The following OR5A1 variants were observed in gnomAD, a reference collection of about 807,000 sequenced individuals.
OR5A1 encodes the protein olfactory receptor family 5 subfamily A member 1, also known as olfactory receptor 5A1.
A neutral mutation model predicts 6.7 loss-of-function variants in OR5A1; 6 were observed. The observed-to-expected ratio is 0.89, with a 90% CI of 0.49 to 1.76. The LOEUF is 1.76. Among genes scored for constraint, OR5A1 ranks in the 40% most tolerant of loss-of-function variants. The pLI is 0.01. For missense variants in OR5A1, 378 were observed against 381.7 expected, an observed-to-expected ratio of 0.99 and a Z score of 0.08; for synonymous variants, 170 against 155.0, an observed-to-expected ratio of 1.10 and a Z score of -0.72.
At position 59,447,522 on chromosome 11, in the gene OR5A1, T is replaced by A. The variant is rs1858564713; in HGVS notation, c.*3406T>A. 6.6e-6 allele frequency: 1 copy of A among 152,098 alleles called. No homozygotes were observed. The highest frequency in any genetic ancestry group is 2.4e-5 in the African/African-American group (1 of 41,416). 9.4% of individuals were successfully genotyped at this position (152,098 alleles called of 1,614,324 possible). On this transcript the variant is annotated 3_prime_UTR_variant, in exon 2 of 2. Coordinates refer to ENST00000641045, the MANE Select transcript of OR5A1 (RefSeq NM_001004728.2). ...CTTTACAGAAATATCAGCAAATGAA[T>A]CAAAAATTTACAGGCATTTTACCAT...
At chr11:59,438,724 T>C (rs562394421) in intron 1 of OR5A1, among the ~76,000 whole-genome samples, 11 of 152,312 alleles carry the variant, frequency 7.2e-5, no homozygotes, top group Non-Finnish European at 1.2e-4. Context: ...ATCCAAAAAG[T>C]AATTTAGAAG....
chr11:59,445,195 G>C lies in OR5A1; in HGVS notation c.*1079G>C, dbSNP rs988605073. The C allele has an allele frequency of 2.0e-5, 3 of 152,008 alleles. No homozygotes were observed. The highest frequency in any genetic ancestry group is 4.4e-5 in the Non-Finnish European group (3 of 68,000). The allele number at this position is 152,008 out of a possible 1,614,324, so 9.4% of individuals were successfully genotyped here. A position where few individuals can be genotyped will look rare whatever the true frequency, so the allele number is the denominator to read the frequency against. On this transcript the variant is annotated 3_prime_UTR_variant, in exon 2 of 2. Transcript: ENST00000641045. The stretch of plus-strand genomic sequence containing the variant: ...CTCCTGACAGGCCCCAATGTGCATT[G>C]TTCCCCTCTCTGTGTCCATGTGTTC...
rs1858526980 is a variant in OR5A1 at position 59,444,626 on chromosome 11, A to G, written c.*510A>G. On this transcript the variant is annotated 3_prime_UTR_variant, in exon 2 of 2. Transcript: ENST00000641045. ...CGCTGCACTCCACATTCAACAAAAA[A>G]ATAGCCCAAAAGTAGTACGAGTATA... The G allele has an allele frequency of 6.5e-6, 1 of 153,404 alleles. No homozygotes were observed. The highest frequency in any genetic ancestry group is 6.5e-5 in the Admixed American group (1 of 15,390). 9.5% of individuals were successfully genotyped at this position (153,404 alleles called of 1,614,324 possible).
At position 59,445,063 on chromosome 11, in the gene OR5A1, T is replaced by G. The variant is rs1359617794; in HGVS notation, c.*947T>G. On this transcript the variant is annotated 3_prime_UTR_variant, in exon 2 of 2. Coordinates refer to ENST00000641045, the MANE Select transcript of OR5A1 (RefSeq NM_001004728.2). The stretch of plus-strand genomic sequence containing the variant: ...ATGCAGGATGTGCAGGTTTGTTACA[T>G]AGGTAAACATATGTCATGGTGATTT... 1 of 152,172 alleles carries G rather than the reference T, an allele frequency of 6.6e-6. No individual in the cohort carries two copies. The highest frequency in any genetic ancestry group is 1.5e-5 in the Non-Finnish European group (1 of 68,036). The allele number at this position is 152,172 out of a possible 1,614,324, so 9.4% of individuals were successfully genotyped here.
At chr11:59,439,009 G>A (rs1202891608) in intron 1 of OR5A1, among the ~76,000 whole-genome samples, 1 of 152,150 alleles carries the variant, frequency 6.6e-6, no homozygotes, top group Non-Finnish European at 1.5e-5. Flanking sequence ...GAGGAAAATG[G>A]CATTATGAAG....
chr11:59,439,548 T>C (rs901255272), intron 1 of OR5A1, among the ~76,000 whole-genome samples: 1 of 152,228 alleles, frequency 6.6e-6, no homozygotes, highest in Non-Finnish European at 1.5e-5. Flanking sequence ...CAGAGTTCCA[T>C]GCCATAAAGC....
chr11:59,441,590 A>G (rs1858480676), intron 1 of OR5A1, among the ~76,000 whole-genome samples: 1 of 152,174 alleles, frequency 6.6e-6, no homozygotes, highest in Admixed American at 6.5e-5. Context: ...TTTCTATAGG[A>G]TTAGGGAAAC....
In OR5A1 at chr11:59,436,749, G is replaced by C. The variant is rs1400124288; in HGVS notation, c.-120G>C. The C allele has an allele frequency of 6.6e-6, 1 of 152,170 alleles. No homozygotes were observed. The highest frequency in any genetic ancestry group is 1.5e-5 in the Non-Finnish European group (1 of 68,044). 9.4% of individuals were successfully genotyped at this position (152,170 alleles called of 1,614,324 possible). On this transcript the variant is annotated 5_prime_UTR_variant, in exon 1 of 2. Transcript: ENST00000641045. ...ATTAGCACTTTGGTAATTGGAAGCA[G>C]CCACTGAAACCCAATTAAACTCCTT...
rs1218967700 is a variant in OR5A1, at chr11:59,449,658, C to A, written c.*5542C>A. ...ATTAGGATTATGATAATATTAATAC[C>A]CTACATTTGTATAATGCTTTGAAGT... On this transcript the variant is annotated 3_prime_UTR_variant, in exon 2 of 2. Coordinates refer to ENST00000641045, the MANE Select transcript of OR5A1 (RefSeq NM_001004728.2). The A allele has an allele frequency of 6.6e-6, 1 of 151,930 alleles. No homozygotes were observed. The highest frequency in any genetic ancestry group is 2.4e-5 in the African/African-American group (1 of 41,350). The allele number at this position is 151,930 out of a possible 1,614,324, so 9.4% of individuals were successfully genotyped here.
rs1858528637 is a variant in OR5A1, at chr11:59,444,796, T to C, written c.*680T>C. 1 of 152,200 alleles carries C rather than the reference T, an allele frequency of 6.6e-6. No individual in the cohort carries two copies. Among genetic ancestry groups the C allele is most frequent in the Non-Finnish European group, 1.5e-5 (1 of 68,038 alleles). 9.4% of individuals were successfully genotyped at this position (152,200 alleles called of 1,614,324 possible). ...TTCCAATTATGGCTACTGAGTAATT[T>C]GCTAAGCAAATGCTGAAGGACATTC... On this transcript the variant is annotated 3_prime_UTR_variant, in exon 2 of 2. Transcript: ENST00000641045.
rs761764007 is a variant in OR5A1 at position 59,444,022 on chromosome 11, T to A, written c.854T>A (p.Ile285Asn). The stretch of plus-strand genomic sequence containing the variant: ...GTGTCTGTTTTCTATTCATTGGTGA[T>A]CCCCATGCTGAACCCTCTCATTTAC... ...KVVSVFYSLV[I>N]PMLNPLIYSL... is the part of the protein sequence containing the mutation. The change falls in exon 2 of 2, where the codon ATC becomes AAC. Residue 285 changes from isoleucine (I) to asparagine (N), a missense_variant. Transcript: ENST00000641045. 1 of 1,613,982 alleles carries A rather than the reference T, an allele frequency of 6.2e-7. No individual in the cohort carries two copies. The highest frequency in any genetic ancestry group is 1.1e-5 in the South Asian group (1 of 91,060).
chr11:59,442,231 A>G (rs945935817), intron 1 of OR5A1, among the ~76,000 whole-genome samples: 5 of 152,054 alleles, frequency 3.3e-5, no homozygotes, highest in African/African-American at 1.2e-4. Context: ...CGGATCGCCC[A>G]AGGTCGTTCG....
At chr11:59,441,721 T>C (rs1211326483) in intron 1 of OR5A1, among the ~76,000 whole-genome samples, 1 of 152,172 alleles carries the variant, frequency 6.6e-6, no homozygotes, top group Non-Finnish European at 1.5e-5. Context: ...TAAAATCAAG[T>C]CCCTGATCTT....
intron 1 of OR5A1, among the ~76,000 whole-genome samples, chr11:59,438,087 C>T (rs1858440458): frequency 6.6e-6 from 1 of 152,214 alleles, no homozygotes; most frequent in Admixed American, 6.5e-5. Flanking sequence ...TCCCCCTTCA[C>T]CTTCCGCCGT....
rs1394511399 is a variant in OR5A1 at position 59,449,280 on chromosome 11, G to A, written c.*5164G>A. The A allele has an allele frequency of 6.6e-6, 1 of 152,194 alleles. No individual in the cohort carries two copies. Among genetic ancestry groups the A allele is most frequent in the Admixed American group, 6.6e-5 (1 of 15,260 alleles). 9.4% of individuals were successfully genotyped at this position (152,194 alleles called of 1,614,324 possible). A position where few individuals can be genotyped will look rare whatever the true frequency, so the allele number is the denominator to read the frequency against. On this transcript the variant is annotated 3_prime_UTR_variant, in exon 2 of 2. Coordinates refer to ENST00000641045, the MANE Select transcript of OR5A1 (RefSeq NM_001004728.2). The stretch of plus-strand genomic sequence containing the variant: ...GCAGAGCAGTGATGATGGGGAAGTT[G>A]TCAGGCTCACTTTACCAATGCAAAG...
rs1014598555 is a variant in OR5A1, at chr11:59,448,527, T to G, written c.*4411T>G. 6.6e-6 allele frequency: 1 copy of G among 152,136 alleles called. No individual in the cohort carries two copies. The highest frequency in any genetic ancestry group is 6.5e-5 in the Admixed American group (1 of 15,272). 9.4% of individuals were successfully genotyped at this position (152,136 alleles called of 1,614,324 possible). On this transcript the variant is annotated 3_prime_UTR_variant, in exon 2 of 2. Transcript: ENST00000641045. ...AAAAAAGAAAATTGATTTTTAGAAA[T>G]CTCTTAGAAAAAATTTAAAACATTA... is the stretch of plus-strand genomic sequence containing the variant.
At chr11:59,440,556 GC>G in intron 1 of OR5A1, among the ~76,000 whole-genome samples, 1 of 152,234 alleles carries the variant, frequency 6.6e-6, no homozygotes, top group Non-Finnish European at 1.5e-5. Context: ...CTGAATGGGT[GC>G]CCCCAGATGA....
Position 59,449,450 on chromosome 11 carries a change from T to C in OR5A1, c.*5334T>C, listed in dbSNP as rs1262598221. On this transcript the variant is annotated 3_prime_UTR_variant, in exon 2 of 2. Transcript: ENST00000641045. ...TTCAGGCTGATTAAGATCTCCTACT[T>C]CTAACCTAAAATACTGGGCTTCCTA... 6.6e-6 allele frequency: 1 copy of C among 152,190 alleles called. No homozygotes were observed. Among genetic ancestry groups the C allele is most frequent in the East Asian group, 1.9e-4 (1 of 5,200 alleles). 9.4% of individuals were successfully genotyped at this position (152,190 alleles called of 1,614,324 possible).
Position 59,443,310 on chromosome 11 carries a change from C to T in OR5A1, c.142C>T (p.Leu48Phe), listed in dbSNP as rs751921572. The T allele has an allele frequency of 6.2e-7, 1 of 1,613,810 alleles. No homozygotes were observed. ...TACCACCCTGGCCTGGAACCTGGCC[C>T]TCATTTTTCTGATCAGAGGTGACAC... ...YLTTLAWNLA[L>F]IFLIRGDTHL... The change falls in exon 2 of 2, where the codon CTC becomes TTC. Residue 48 changes from leucine (L) to phenylalanine (F), a missense_variant. Physicochemically the swap from Leu to Phe is conservative, Grantham distance 22. Transcript: ENST00000641045.
Sources: allele counts gnomAD v4.1 joint callset (sites outside exome capture counted in the v4.1 genomes callset), GRCh38; gene constraint gnomAD v4.1.1; transcripts MANE v1.5; gene names NCBI Gene and HGNC (gene_info 2026-07-23, HGNC 2026-07-21).